The following ARHGEF33 variants were observed in gnomAD, a reference collection of about 807,000 sequenced individuals.
The protein encoded by ARHGEF33 is DH and coiled-coil domain-containing protein ENSP00000381780.
Under a neutral mutation model 101.9 loss-of-function variants are expected in ARHGEF33, and 72 were observed. The observed-to-expected ratio is 0.71, with a 90% CI of 0.58 to 0.86. The LOEUF (loss-of-function observed/expected upper bound fraction) is 0.86, where lower values mean the gene tolerates loss of function less well. ARHGEF33 is among the 40% of genes least tolerant of loss of function. The pLI, the probability that ARHGEF33 is intolerant of heterozygous loss-of-function variation, is 0.00. For synonymous variants in ARHGEF33, 499 were observed against 442.5 expected (o/e 1.13, Z -1.60); for missense variants, 1,169 against 1,111.3 (o/e 1.05, Z -0.74).
At chr2:38,894,839 T>C (rs1434192684) in intron 1 of ARHGEF33, among the ~76,000 whole-genome samples, 2 of 152,116 alleles carry the variant, frequency 1.3e-5, no homozygotes, top group African/African-American at 4.8e-5. Context: ...AAGAGGAGAA[T>C]GAATACTGGG....
At chr2:38,933,720 T>TC (rs2124387842) in intron 7 of ARHGEF33, among the ~76,000 whole-genome samples, 1 of 152,330 alleles carries the variant, frequency 6.6e-6, no homozygotes, top group South Asian at 2.1e-4. Flanking sequence ...TTCCATTTTT[T>TC]CTGTCATATT....
At chr2:38,914,687 A>G (rs999585245) in intron 2 of ARHGEF33, among the ~76,000 whole-genome samples, 6 of 151,368 alleles carry the variant, frequency 4.0e-5, no homozygotes, top group African/African-American at 1.5e-4. Context: ...AAAAAAAAGT[A>G]ATTTCTTAGA....
chr2:38,943,839 C>T, intron 9 of ARHGEF33, 62 bp from the exon 10 acceptor site: 1 of 1,470,614 alleles, frequency 6.8e-7, no homozygotes. Context: ...TTATTGCTTG[C>T]ATTTAATGGG....
At chr2:38,928,732 C>A in intron 4 of ARHGEF33, 175 bp from the exon 5 acceptor site, 1 of 492,110 alleles carries the variant, frequency 2.0e-6, no homozygotes. Flanking sequence ...CACTCTTTTT[C>A]TTAGATAAAT....
At chr2:38,920,561 C>T (rs1352252082) in intron 3 of ARHGEF33, among the ~76,000 whole-genome samples, 4 of 151,920 alleles carry the variant, frequency 2.6e-5, no homozygotes. Flanking sequence ...GTGCCTGCCA[C>T]CACAGCCAGC....
chr2:38,898,923 G>A (rs1451949778), intron 2 of ARHGEF33, among the ~76,000 whole-genome samples: 2 of 152,188 alleles, frequency 1.3e-5, no homozygotes, highest in African/African-American at 4.8e-5. Context: ...GTAGTGCTCT[G>A]AAAGATTCTC....
intron 2 of ARHGEF33, among the ~76,000 whole-genome samples, chr2:38,910,494 C>T (rs1226980598): frequency 7.9e-5 from 12 of 152,038 alleles, no homozygotes; most frequent in Non-Finnish European, 1.5e-4. Context: ...TGCTTGAACC[C>T]GGGAGGCAGA....
intron 2 of ARHGEF33, among the ~76,000 whole-genome samples, chr2:38,905,630 C>T (rs888094607): frequency 6.6e-6 from 1 of 152,240 alleles, no homozygotes; most frequent in South Asian, 2.1e-4. Flanking sequence ...AGCAGGTGCC[C>T]TGCCTTCCTG....
Position 38,935,785 on chromosome 2 carries a change from C to T in ARHGEF33, c.516C>T (p.Ser172=), listed in dbSNP as rs867501066. 1.3e-6 allele frequency: 2 copies of T among 1,551,908 alleles called. No homozygotes were observed. Among genetic ancestry groups the T allele is most frequent in the Non-Finnish European group, 8.7e-7 (1 of 1,146,900 alleles). Residue 172 remains serine, a synonymous_variant, in exon 8 of 18, where the codon TCC becomes TCT. Coordinates refer to ENST00000409978, the MANE Select transcript of ARHGEF33 (RefSeq NM_001145451.5). ...PSQAYEKAQE[S]RSVHVGDSNV... is the part of the protein sequence containing the mutation. ...TTCCTTTCTCTGCAGCCCAAGAGTC[C>T]AGATCTGTTCATGTAGGAGACAGTA...
chr2:38,910,434 G>C (rs112588242), intron 2 of ARHGEF33, among the ~76,000 whole-genome samples: 7,575 of 152,236 alleles, frequency 0.05, 223 homozygotes, highest in Middle Eastern at 0.061. Flanking sequence ...TTAGCTGGGT[G>C]TGGCGGCTTG....
rs991051162 is a variant in ARHGEF33, at chr2:38,960,108, C to T, written c.1803C>T (p.Leu601=). 4.5e-6 allele frequency: 7 copies of T among 1,542,468 alleles called. No individual in the cohort carries two copies. The highest frequency in any genetic ancestry group is 6.1e-6 in the Non-Finnish European group (7 of 1,145,332). ...GCTCCCTGCGCGCCCCGGCCGAGCTCCTGCCCGATGCCCGCGGCTTCGTGC... is the reference window on the plus strand; with the variant it reads ...GCTCCCTGCGCGCCCCGGCCGAGCTTCTGCCCGATGCCCGCGGCTTCGTGC... ...VERSLRAPAE[L]LPDARGFVPA... is the part of the protein sequence containing the mutation. The change falls in exon 16 of 18, where the codon CTC becomes CTT. Residue 601 remains leucine, a synonymous_variant. Transcript: ENST00000409978.
chr2:38,965,913 G>A, intron 16 of ARHGEF33, 93 bp from the exon 17 acceptor site: 1 of 1,455,254 alleles, frequency 6.9e-7, no homozygotes, highest in South Asian at 1.4e-5. Context: ...GCATGGGAGA[G>A]GAAAGTCACA....
chr2:38,941,521 G>A (rs1207874333), intron 9 of ARHGEF33, among the ~76,000 whole-genome samples: 3 of 151,502 alleles, frequency 2.0e-5, no homozygotes, highest in African/African-American at 7.3e-5. Context: ...CTGATACTCA[G>A]TTTTTTGCAT....
rs892346778 is a variant in ARHGEF33 at position 38,958,218 on chromosome 2, G to A, written c.1535+20G>A. 1.6e-4 allele frequency: 255 copies of A among 1,550,814 alleles called. No homozygotes were observed. The highest frequency in any genetic ancestry group is 2.1e-4 in the Non-Finnish European group (238 of 1,146,880). ...CATCACGTAAGCACCTGTTGCTGTG[G>A]GAAGGTTAATGCCAATGCCTTTGGG... On this transcript the variant is annotated intron_variant, in intron 15 of 17. Coordinates refer to ENST00000409978, the MANE Select transcript of ARHGEF33 (RefSeq NM_001145451.5).
Position 38,953,232 on chromosome 2 carries a change from T to C in ARHGEF33, c.1124T>C (p.Val375Ala). 1 of 1,532,638 alleles carries C rather than the reference T, an allele frequency of 6.5e-7. No individual in the cohort carries two copies. Among genetic ancestry groups the C allele is most frequent in the Non-Finnish European group, 8.9e-7 (1 of 1,129,264 alleles). 94.9% of individuals were successfully genotyped at this position (1,532,638 alleles called of 1,614,324 possible). A position where few individuals can be genotyped will look rare whatever the true frequency, so the allele number is the denominator to read the frequency against. ...LPECISLVHV[V>A]VLKEGDEEIK... ...GAGTGCATCTCATTGGTTCATGTTGTAGTCCTGAAAGAGGTGAGTTAACGC... is the reference window on the plus strand; with the variant it reads ...GAGTGCATCTCATTGGTTCATGTTGCAGTCCTGAAAGAGGTGAGTTAACGC... Residue 375 changes from valine to alanine, a missense_variant, in exon 12 of 18, where the codon GTA becomes GCA. Transcript: ENST00000409978.
intron 2 of ARHGEF33, among the ~76,000 whole-genome samples, chr2:38,917,207 T>C (rs1412664611): frequency 6.7e-6 from 1 of 150,266 alleles, no homozygotes; most frequent in African/African-American, 2.4e-5. Context: ...TTTTCCTGCC[T>C]CAGCCTCCCG....
At position 38,959,741 on chromosome 2, in the gene ARHGEF33, A is replaced by G. The variant is rs1472523689; in HGVS notation, c.1536-100A>G. On this transcript the variant is annotated intron_variant, in intron 15 of 17. Coordinates refer to ENST00000409978, the MANE Select transcript of ARHGEF33 (RefSeq NM_001145451.5). ...GTGGAGCTCGGGAGGTGGCATGCAC[A>G]GGCGCCTCGGAGCGCGGCCCCGAGG... 6 of 1,302,128 alleles carry G rather than the reference A, an allele frequency of 4.6e-6. No individual in the cohort carries two copies. The South Asian group carries it at 8.0e-5, about 17-fold the overall frequency. 80.7% of individuals were successfully genotyped at this position (1,302,128 alleles called of 1,614,324 possible). A position where few individuals can be genotyped will look rare whatever the true frequency, so the allele number is the denominator to read the frequency against.
At chr2:38,962,690 A>G (rs7571052) in intron 16 of ARHGEF33, among the ~76,000 whole-genome samples, 142,254 of 151,968 alleles carry the variant, frequency 0.94, 66,694 homozygotes, top group African/African-American at 0.96. Context: ...TTCTGTTTCT[A>G]GACACAATTT....
At chr2:38,891,342 A>C (rs1665991668) in intron 1 of ARHGEF33, among the ~76,000 whole-genome samples, 1 of 152,084 alleles carries the variant, frequency 6.6e-6, no homozygotes, top group Non-Finnish European at 1.5e-5. Flanking sequence ...TGTAGATACA[A>C]AGATCAACTG....
Sources: gnomAD v4.1 joint callset for allele counts (sites outside exome capture counted in the v4.1 genomes callset) on GRCh38, gnomAD v4.1.1 for gene constraint, MANE v1.5 for transcripts, NCBI Gene and HGNC (gene_info 2026-07-23, HGNC 2026-07-21) for gene names.